CD80: variants seen among roughly 807,000 people sequenced by gnomAD.
The protein encoded by CD80 is T-lymphocyte activation antigen CD80.
Under a neutral mutation model 27.1 loss-of-function variants are expected in CD80, and 13 were observed. The ratio of observed to expected loss-of-function variants is 0.48; its 90% CI spans 0.31 to 0.76. The LOEUF (loss-of-function observed/expected upper bound fraction) is 0.76, where lower values mean the gene tolerates loss of function less well. Ranked by LOEUF, CD80 falls within the 30% of genes least tolerant of loss-of-function variation. The pLI, the probability that CD80 is intolerant of heterozygous loss-of-function variation, is 0.04. For synonymous variants in CD80, 125 were observed against 125.5 expected, an observed-to-expected ratio of 1.00 and a Z score of 0.03; for missense variants, 277 against 347.9, an observed-to-expected ratio of 0.80 and a Z score of 1.62.
chr3:119,535,854 G>A (rs1369291500), intron 4 of CD80, among the ~76,000 whole-genome samples: 1 of 152,116 alleles, frequency 6.6e-6, no homozygotes, highest in African/African-American at 2.4e-5. Flanking sequence ...GTTCCAAAGG[G>A]CAAATTTTAA....
chr3:119,526,770 C>T (rs373747606), intron 6 of CD80, among the ~76,000 whole-genome samples: 2 of 152,102 alleles, frequency 1.3e-5, no homozygotes, highest in African/African-American at 2.4e-5. Context: ...TTATATTTCC[C>T]CCTCCTGCCC....
intron 4 of CD80, among the ~76,000 whole-genome samples, chr3:119,535,814 C>T (rs2082134995): frequency 6.6e-6 from 1 of 152,066 alleles, no homozygotes; most frequent in Admixed American, 6.6e-5. Flanking sequence ...GTGGCATGCC[C>T]TAAAAGAAAG....
At chr3:119,554,233 G>A (rs1341066466) in intron 2 of CD80, among the ~76,000 whole-genome samples, 1 of 152,244 alleles carries the variant, frequency 6.6e-6, no homozygotes, top group Admixed American at 6.5e-5. Context: ...AGCGGTGTGT[G>A]TTGCAGGGAG....
chr3:119,550,382 G>A (rs1040796366), intron 2 of CD80, among the ~76,000 whole-genome samples: 1 of 152,212 alleles, frequency 6.6e-6, no homozygotes, highest in Admixed American at 6.5e-5. Context: ...CTTCTGAGGA[G>A]TTTTTGTCCA....
chr3:119,534,393 GAAAAA>G (rs71293250), intron 4 of CD80, among the ~76,000 whole-genome samples: 2 of 143,366 alleles, frequency 1.4e-5, no homozygotes, highest in Non-Finnish European at 3.1e-5. Flanking sequence ...AAAAGAAAAA[GAAAAA>G]AAAAAGAAAA....
Position 119,524,863 on chromosome 3 carries a change from A to G in CD80, c.*925T>C, listed in dbSNP as rs920785992. On this transcript the variant is annotated 3_prime_UTR_variant, in exon 7 of 7. Transcript: ENST00000264246. ...CATCTTAGGGATCTAAGGAGGCCCT[A>G]TGGAAAGTTACTACCTTAGACATTT... is the stretch of plus-strand genomic sequence containing the variant. 3.3e-5 allele frequency: 5 copies of G among 152,232 alleles called. No individual in the cohort carries two copies. The highest frequency in any genetic ancestry group is 3.3e-4 in the Admixed American group (5 of 15,280). The allele number at this position is 152,232 out of a possible 1,614,324, so 9.4% of individuals were successfully genotyped here. A position where few individuals can be genotyped will look rare whatever the true frequency, so the allele number is the denominator to read the frequency against.
At chr3:119,535,460 C>G (rs972427130) in intron 4 of CD80, among the ~76,000 whole-genome samples, 1 of 152,128 alleles carries the variant, frequency 6.6e-6, no homozygotes, top group Non-Finnish European at 1.5e-5. Flanking sequence ...CTGTGGTCCT[C>G]TGTATGATCA....
At chr3:119,557,353 C>G (rs559797257) in intron 2 of CD80, among the ~76,000 whole-genome samples, 1 of 152,150 alleles carries the variant, frequency 6.6e-6, no homozygotes, top group African/African-American at 2.4e-5. Context: ...CATTATGAAT[C>G]GGCTGTATGG....
At chr3:119,533,416 T>TG (rs1432480045) in intron 4 of CD80, among the ~76,000 whole-genome samples, 2 of 151,494 alleles carry the variant, frequency 1.3e-5, no homozygotes, top group Non-Finnish European at 2.9e-5. Flanking sequence ...TGGGCTTTTT[T>TG]TTTTTTTCCA....
chr3:119,530,208 T>C (rs1166976342), intron 4 of CD80, among the ~76,000 whole-genome samples: 1 of 152,208 alleles, frequency 6.6e-6, no homozygotes, highest in African/African-American at 2.4e-5. Flanking sequence ...TCTAAGGAAA[T>C]CTTTTACAAG....
At chr3:119,539,681 G>A (rs1024400643) in intron 3 of CD80, among the ~76,000 whole-genome samples, 8 of 152,172 alleles carry the variant, frequency 5.3e-5, no homozygotes, top group Admixed American at 1.3e-4. Context: ...TAGCGGCTTC[G>A]TCACTTATTC....
At chr3:119,539,281 A>C (rs2082155091) in intron 3 of CD80, among the ~76,000 whole-genome samples, 1 of 152,166 alleles carries the variant, frequency 6.6e-6, no homozygotes, top group African/African-American at 2.4e-5. Context: ...TTCCATGCAT[A>C]ATTTATGACT....
chr3:119,538,976 A>G (rs1020657923), intron 3 of CD80, among the ~76,000 whole-genome samples: 1 of 152,088 alleles, frequency 6.6e-6, no homozygotes, highest in African/African-American at 2.4e-5. Context: ...CATGACCAGT[A>G]TTTTTTAATT....
chr3:119,544,996 G>A, intron 2 of CD80, 129 bp from the exon 3 acceptor site: 1 of 698,436 alleles, frequency 1.4e-6, no homozygotes, highest in Non-Finnish European at 2.4e-6. Flanking sequence ...AATCCAGTTT[G>A]ATTTTTGGGG....
intron 5 of CD80, among the ~76,000 whole-genome samples, chr3:119,529,461 C>T (rs774422214): frequency 2.0e-5 from 3 of 152,122 alleles, no homozygotes; most frequent in African/African-American, 7.2e-5. Flanking sequence ...CCTGCCAAAT[C>T]GACTAGCCCT....
At chr3:119,539,558 A>G (rs1040009155) in intron 3 of CD80, among the ~76,000 whole-genome samples, 1 of 152,144 alleles carries the variant, frequency 6.6e-6, no homozygotes, top group Non-Finnish European at 1.5e-5. Context: ...AGGCCTTCCT[A>G]GCATTCCTCC....
chr3:119,544,235 G>A, intron 3 of CD80: 1 of 350,558 alleles, frequency 2.9e-6, no homozygotes, highest in Non-Finnish European at 5.3e-6. Context: ...GCTGGGTCAA[G>A]TGCAGTTAGT....
chr3:119,526,551 A>G (rs547792788), intron 6 of CD80, among the ~76,000 whole-genome samples: 23 of 152,154 alleles, frequency 1.5e-4, no homozygotes, highest in African/African-American at 5.5e-4. Flanking sequence ...AAGGAGCCTG[A>G]ACTTGATGTC....
At chr3:119,558,654 T>C (rs9985307) in intron 1 of CD80, among the ~76,000 whole-genome samples, 31 of 151,880 alleles carry the variant, frequency 2.0e-4, no homozygotes, top group African/African-American at 7.3e-4. Context: ...TCCCAGCCAC[T>C]TGGGAGGCTG....
Sources: allele counts gnomAD v4.1 joint callset (sites outside exome capture counted in the v4.1 genomes callset), GRCh38; gene constraint gnomAD v4.1.1; transcripts MANE v1.5; gene names NCBI Gene and HGNC (gene_info 2026-07-23, HGNC 2026-07-21).